Variants in ACACB observed in about 807,000 individuals in gnomAD.
ACACB encodes the protein acetyl-CoA carboxylase 2.
In ACACB, 209 loss-of-function variants were observed where a neutral mutation model predicts 278.8. The observed-to-expected ratio is 0.75, with a 90% CI of 0.67 to 0.84. ACACB has a LOEUF of 0.84. Among genes scored for constraint, ACACB ranks in the 40% least tolerant of loss-of-function variants. The pLI is 0.00. For synonymous variants in ACACB, 1,174 were observed against 1,285.6 expected (o/e 0.91, Z 1.86); for missense variants, 2,850 against 3,269.0 (o/e 0.87, Z 3.13).
rs114481725 is a variant in ACACB, at chr12:109,176,410, C to T, written c.1437+147C>T. ...TCGTTGTATCGTATTTTGCAACAAACGCGTACATTTTTACTCAGAAAAGCC... is the reference window on the plus strand; with the variant it reads ...TCGTTGTATCGTATTTTGCAACAAATGCGTACATTTTTACTCAGAAAAGCC... On this transcript the variant is annotated intron_variant, in intron 9 of 52. Transcript: ENST00000338432. 972 of 734,686 alleles carry T rather than the reference C, an allele frequency of 1.3e-3. 6 individuals carry two copies. In the African/African-American group the frequency reaches 0.015, roughly 12 times the overall value. The allele number at this position is 734,686 out of a possible 1,614,324, so 45.5% of individuals were successfully genotyped here. A position where few individuals can be genotyped will look rare whatever the true frequency, so the allele number is the denominator to read the frequency against.
chr12:109,164,342 C>T (rs1478480075), intron 2 of ACACB, among the ~76,000 whole-genome samples: 1 of 152,206 alleles, frequency 6.6e-6, no homozygotes, highest in South Asian at 2.1e-4. Context: ...AAGCAATTCT[C>T]CTGCCTCAGT....
intron 35 of ACACB, among the ~76,000 whole-genome samples, chr12:109,240,548 TTAA>T (rs1232304471): frequency 6.7e-6 from 1 of 148,652 alleles, no homozygotes; most frequent in South Asian, 2.1e-4. Context: ...CAAATTAATA[TTAA>T]TATCGATATA....
chr12:109,163,450 T>G (rs552527482), intron 2 of ACACB, among the ~76,000 whole-genome samples: 25 of 151,952 alleles, frequency 1.6e-4, no homozygotes, highest in African/African-American at 5.5e-4. Flanking sequence ...ATAGCAGAAA[T>G]GAAGAACTCC....
At chr12:109,244,854 C>T (rs556391734) in intron 37 of ACACB, among the ~76,000 whole-genome samples, 2 of 152,190 alleles carry the variant, frequency 1.3e-5, no homozygotes, top group East Asian at 3.9e-4. Context: ...AACAGCAGAC[C>T]AGAGCTAAAT....
chr12:109,256,120 T>G lies in ACACB; in HGVS notation c.6167-20T>G, dbSNP rs778654916. 6.2e-7 allele frequency: 1 copy of G among 1,608,538 alleles called. No homozygotes were observed. On this transcript the variant is annotated intron_variant, in intron 44 of 52. Coordinates refer to ENST00000338432, the MANE Select transcript of ACACB (RefSeq NM_001093.4). ...AGCCACCTGGCCCTCCAGCCTGGGC[T>G]TCTGCCCTTCTGTCCACAGCTCTGA... is the stretch of plus-strand genomic sequence containing the variant.
At chr12:109,215,188 T>C (rs544785480) in intron 22 of ACACB, among the ~76,000 whole-genome samples, 2 of 152,334 alleles carry the variant, frequency 1.3e-5, no homozygotes, top group Admixed American at 1.3e-4. Flanking sequence ...ATGGTCTCTA[T>C]ACCTTGGGTA....
At chr12:109,222,422 G>A (rs770600176) in intron 24 of ACACB, 85 bp from the exon 25 acceptor site, 208 of 1,272,316 alleles carry the variant, frequency 1.6e-4, no homozygotes, top group Non-Finnish European at 2.3e-4. Flanking sequence ...GGCTTTTGCG[G>A]CAGGTGCTCC....
At chr12:109,224,928 GC>G (rs763071222) in intron 27 of ACACB, among the ~76,000 whole-genome samples, 17 of 152,088 alleles carry the variant, frequency 1.1e-4, no homozygotes, top group Non-Finnish European at 2.1e-4. Flanking sequence ...GTCCCCTGTT[GC>G]CCCCACTTTC....
At chr12:109,252,225 T>C in intron 42 of ACACB, 69 bp downstream of exon 42, 1 of 1,087,430 alleles carries the variant, frequency 9.2e-7, no homozygotes, top group South Asian at 1.7e-5. Context: ...TTCCCATTGG[T>C]CTCTGGTGGG....
chr12:109,221,262 G>A (rs529960998), intron 24 of ACACB, among the ~76,000 whole-genome samples: 29 of 152,164 alleles, frequency 1.9e-4, no homozygotes, highest in Non-Finnish European at 3.5e-4. Flanking sequence ...AGAAACACAT[G>A]TAGAAAAAAA....
At chr12:109,228,816 C>T (rs1384705498) in intron 28 of ACACB, among the ~76,000 whole-genome samples, 1 of 152,114 alleles carries the variant, frequency 6.6e-6, no homozygotes, top group Non-Finnish European at 1.5e-5. Flanking sequence ...AGATAAGGCA[C>T]ATGTAGCATT....
At chr12:109,115,248 A>G (rs1017592771), upstream of ACACB, among the ~76,000 whole-genome samples, 14 of 152,194 alleles carry the variant, frequency 9.2e-5, no homozygotes, top group African/African-American at 3.4e-4. Context: ...CATTTGCTCA[A>G]AGTCATGGCT....
rs112904520 is a variant in ACACB at position 109,210,752 on chromosome 12, TAAA to T, written c.3249+1409_3249+1411del. 2.1e-5 allele frequency among the ~76,000 whole-genome samples: 3 copies of T among 143,512 alleles called. No homozygotes were observed. The East Asian group carries it at 6.1e-4, about 29-fold the overall frequency. The allele number at this position is 143,512 out of a possible 152,430, so 94.1% of individuals were successfully genotyped here. A position where few individuals can be genotyped will look rare whatever the true frequency, so the allele number is the denominator to read the frequency against. On this transcript the variant is annotated intron_variant, in intron 21 of 52. Transcript: ENST00000338432. ...CAACATGGTGAAACCCCATCTATACTAAAAAAAAAAAATTAGCTGGGCGTGGTG... is the reference window on the plus strand; with the variant it reads ...CAACATGGTGAAACCCCATCTATACTAAAAAAAAATTAGCTGGGCGTGGTG...
rs1471886738 is a variant in ACACB at position 109,176,193 on chromosome 12, C to A, written c.1367C>A (p.Ser456Tyr). The A allele has an allele frequency of 1.2e-6, 2 of 1,614,190 alleles. No individual in the cohort carries two copies. Among genetic ancestry groups the A allele is most frequent in the Non-Finnish European group, 1.7e-6 (2 of 1,180,044 alleles). ...RIGFPLMIKA[S>Y]EGGGGKGIRK... ...GGTTTTCCATTGATGATCAAAGCTT[C>A]TGAAGGTGGCGGAGGGAAGGGAATC... Residue 456 changes from serine (S) to tyrosine (Y), a missense_variant, in exon 9 of 53, where the codon TCT (serine) becomes TAT (tyrosine). Transcript: ENST00000338432.
intron 21 of ACACB, among the ~76,000 whole-genome samples, chr12:109,212,523 G>A (rs923189188): frequency 2.0e-5 from 3 of 152,100 alleles, no homozygotes; most frequent in East Asian, 1.9e-4. Flanking sequence ...TTAGATTATC[G>A]TAACGAGCAT....
chr12:109,150,474 G>A (rs536489375), intron 2 of ACACB, among the ~76,000 whole-genome samples: 1 of 152,232 alleles, frequency 6.6e-6, no homozygotes, highest in Admixed American at 6.5e-5. Context: ...CAAAACAGCA[G>A]ATGGGTGCTG....
intron 2 of ACACB, among the ~76,000 whole-genome samples, chr12:109,165,358 A>G (rs1220506400): frequency 5.3e-5 from 8 of 152,082 alleles, no homozygotes; most frequent in Non-Finnish European, 4.4e-5. Context: ...ATTATTTATT[A>G]TTATTATTTT....
chr12:109,150,956 TTTTTC>T (rs1008579974), intron 2 of ACACB, among the ~76,000 whole-genome samples: 14 of 151,420 alleles, frequency 9.2e-5, no homozygotes, highest in East Asian at 2.0e-4. Context: ...TCTTTTTCTT[TTTTTC>T]TTTTCTTTTC....
intron 3 of ACACB, among the ~76,000 whole-genome samples, chr12:109,167,621 GTATATATATATATATATATATA>G (rs1216217057): frequency 5.7e-4 from 44 of 77,526 alleles, no homozygotes; most frequent in African/African-American, 1.7e-3. Flanking sequence ...ATATGTATGT[GTATATATATATATATATATATA>G]TATATATATA....
Sources: gnomAD v4.1 joint callset for allele counts (sites outside exome capture counted in the v4.1 genomes callset) on GRCh38, gnomAD v4.1.1 for gene constraint, MANE v1.5 for transcripts, NCBI Gene and HGNC (gene_info 2026-07-23, HGNC 2026-07-21) for gene names.